Variants in AHCTF1 observed in about 807,000 individuals in gnomAD.
AHCTF1 encodes the protein AT-hook containing transcription factor 1.
Under a neutral mutation model 248.4 loss-of-function variants are expected in AHCTF1, and 24 were observed. That is an observed-to-expected ratio of 0.10 (90% CI 0.07 to 0.14). The LOEUF (loss-of-function observed/expected upper bound fraction) is 0.14, where lower values mean the gene tolerates loss of function less well. Among genes scored for constraint, AHCTF1 ranks in the 10% least tolerant of loss-of-function variants. The probability of loss-of-function intolerance (pLI) is 1.00; values close to 1 mark genes in which losing one functional copy is unlikely to be tolerated. For synonymous variants in AHCTF1, 786 were observed against 929.8 expected, an observed-to-expected ratio of 0.85 and a Z score of 2.81; for missense variants, 2,206 against 2,636.2, an observed-to-expected ratio of 0.84 and a Z score of 3.57.
chr1:246,879,194 T>TA (rs1171706684), intron 21 of AHCTF1, among the ~76,000 whole-genome samples: 2 of 152,030 alleles, frequency 1.3e-5, no homozygotes, highest in African/African-American at 2.4e-5. Context: ...AATAGCTCTT[T>TA]AAAAAAAGAT....
At chr1:246,894,445 G>A (rs1444771133) in intron 14 of AHCTF1, among the ~76,000 whole-genome samples, 1 of 152,050 alleles carries the variant, frequency 6.6e-6, no homozygotes, top group Non-Finnish European at 1.5e-5. Context: ...GTAGTGGCGG[G>A]CAGGAGAATG....
rs1553291761 is a variant in AHCTF1 at position 246,869,000 on chromosome 1, ATG to A, written c.3089-1191_3089-1190del. Among the ~76,000 whole-genome samples the A allele has an allele frequency of 8.6e-4, 129 of 150,440 alleles. 1 individual carries two copies. Among genetic ancestry groups the A allele is most frequent in the African/African-American group, 1.5e-3 (59 of 40,430 alleles). On this transcript the variant is annotated intron_variant, in intron 24 of 35. Transcript: ENST00000648844. ...GCTGGGACTACAGGCGCCCGCCACC[ATG>A]CCTGGCTAACTTTTTCTATTTTTAG... is the stretch of plus-strand genomic sequence containing the variant.
chr1:246,927,626 C>T (rs1463481208), intron 1 of AHCTF1, among the ~76,000 whole-genome samples: 1 of 152,236 alleles, frequency 6.6e-6, no homozygotes, highest in Non-Finnish European at 1.5e-5. Context: ...GCACTGGCAA[C>T]CTATAAAAAG....
At chr1:246,891,422 G>A (rs1173791384) in intron 15 of AHCTF1, among the ~76,000 whole-genome samples, 1 of 152,020 alleles carries the variant, frequency 6.6e-6, no homozygotes, top group Admixed American at 6.6e-5. Flanking sequence ...GTTCAAAACA[G>A]GCATTTAAAT....
At chr1:246,931,330 G>C in intron 1 of AHCTF1, 2 of 1,545,288 alleles carry the variant, frequency 1.3e-6, no homozygotes, top group Non-Finnish European at 1.7e-6. Context: ...GCCGCCATGT[G>C]CCGCCGCTCC....
In AHCTF1 at chr1:246,868,983, T is replaced by A. The variant is rs556951238; in HGVS notation, c.3089-1172A>T. Among the ~76,000 whole-genome samples, 10 of 143,188 alleles carry A rather than the reference T, an allele frequency of 7.0e-5. No homozygotes were observed. In the East Asian group the frequency reaches 9.7e-4, roughly 14 times the overall value. 93.9% of individuals were successfully genotyped at this position (143,188 alleles called of 152,430 possible). A position where few individuals can be genotyped will look rare whatever the true frequency, so the allele number is the denominator to read the frequency against. On this transcript the variant is annotated intron_variant, in intron 24 of 35. Coordinates refer to ENST00000648844, the MANE Select transcript of AHCTF1 (RefSeq NM_001323342.2). ...CCTCAGCCTGCTGAGTAGCTGGGAC[T>A]ACAGGCGCCCGCCACCATGCCTGGC...
chr1:246,908,616 G>A (rs1394400204), intron 4 of AHCTF1, among the ~76,000 whole-genome samples: 2 of 151,938 alleles, frequency 1.3e-5, no homozygotes, highest in South Asian at 2.1e-4. Context: ...GGCCGGGCAC[G>A]GTGGCTCACG....
At chr1:246,843,575 G>A (rs1186291974) in intron 34 of AHCTF1, among the ~76,000 whole-genome samples, 1 of 152,140 alleles carries the variant, frequency 6.6e-6, no homozygotes, top group East Asian at 1.9e-4. Context: ...ATGATCAGTA[G>A]CATACCACAG....
At chr1:246,887,650 A>G (rs563548738) in intron 19 of AHCTF1, among the ~76,000 whole-genome samples, 2 of 152,350 alleles carry the variant, frequency 1.3e-5, no homozygotes, top group East Asian at 3.9e-4. Flanking sequence ...AAACAAAGAT[A>G]TACGCAAATT....
chr1:246,842,734 C>T lies in AHCTF1; in HGVS notation c.6568G>A (p.Ala2190Thr). 1 of 1,613,794 alleles carries T rather than the reference C, an allele frequency of 6.2e-7. No homozygotes were observed. The highest frequency in any genetic ancestry group is 2.2e-5 in the East Asian group (1 of 44,874). Residue 2190 changes from alanine to threonine, a missense_variant, in exon 35 of 36, where the codon GCG (alanine) becomes ACG (threonine). Ala to Thr is a moderately conservative substitution (Grantham distance 58, BLOSUM62 0). Transcript: ENST00000648844. ...GTTTTTGACGTCCTGATTCGTTTCG[C>T]TTTTGGCTTTCCCAGAGTTTCTACT... ...QSVETLGKPK[A>T]KRIRTSKTKQ...
chr1:246,907,445 A>G, intron 5 of AHCTF1, 106 bp downstream of exon 5: 3 of 978,414 alleles, frequency 3.1e-6, no homozygotes, highest in Non-Finnish European at 4.5e-6. Flanking sequence ...TCATTAATCT[A>G]CCCACCCTTT....
intron 24 of AHCTF1, among the ~76,000 whole-genome samples, chr1:246,868,868 G>GAAAAAAGTACCACGT (rs1662261203): frequency 1.4e-5 from 2 of 140,166 alleles, no homozygotes; most frequent in African/African-American, 5.4e-5. Context: ...TTTTTGAGAT[G>GAAAAAAGTACCACGT]GAGTCTCGCT....
At chr1:246,917,648 G>A (rs1279101150) in intron 2 of AHCTF1, among the ~76,000 whole-genome samples, 1 of 152,180 alleles carries the variant, frequency 6.6e-6, no homozygotes, top group African/African-American at 2.4e-5. Context: ...GCGCTGTCAA[G>A]AGAGAAATGA....
rs938570564 is a variant in AHCTF1 at position 246,907,649 on chromosome 1, A to T, written c.666T>A (p.Ala222=). The change falls in exon 5 of 36, where the codon GCT becomes GCA. Residue 222 remains alanine, a synonymous_variant. Transcript: ENST00000648844. ...CFQLVSPTGT[A]VSTLSYISRT... Reference sequence around the variant, plus strand: ...TGCTTATGTAACTAAGAGTTGAAACAGCTGTTCCTGTTGGACTTACTAACT... The same window carrying T: ...TGCTTATGTAACTAAGAGTTGAAACTGCTGTTCCTGTTGGACTTACTAACT... The T allele has an allele frequency of 2.5e-6, 4 of 1,613,914 alleles. No homozygotes were observed. The East Asian group carries it at 8.9e-5, about 36-fold the overall frequency.
intron 1 of AHCTF1, among the ~76,000 whole-genome samples, chr1:246,919,117 T>G (rs1469918614): frequency 6.6e-6 from 1 of 152,182 alleles, no homozygotes; most frequent in Non-Finnish European, 1.5e-5. Context: ...CAGAAAGATT[T>G]TAGCCATCTG....
At chr1:246,918,493 T>C in intron 1 of AHCTF1, 116 bp from the exon 2 acceptor site, 1 of 1,074,034 alleles carries the variant, frequency 9.3e-7, no homozygotes, top group South Asian at 2.1e-5. Context: ...AAAACTAAAA[T>C]CTGGTTACAA....
intron 16 of AHCTF1, 31 bp from the exon 17 acceptor site, chr1:246,890,090 G>GT: frequency 6.9e-7 from 1 of 1,443,666 alleles, no homozygotes; most frequent in Admixed American, 1.8e-5. Context: ...AAAAAAGCTG[G>GT]TAATAATCCC....
Position 246,903,954 on chromosome 1 carries a change from A to G in AHCTF1, c.961T>C (p.Tyr321His), listed in dbSNP as rs752756043. ...ATAGTCCAATGACCATTTACCTCAT[A>G]TAAGATTTGTCCTGATGCCAAACAC... ...RKCLASGQIL[Y>H]EGLEYCEERY... Residue 321 changes from tyrosine to histidine, a missense_variant, in exon 7 of 36, where the codon TAT becomes CAT. Tyr to His is a moderately conservative substitution (Grantham distance 83). Coordinates refer to ENST00000648844, the MANE Select transcript of AHCTF1 (RefSeq NM_001323342.2). 7 of 1,613,414 alleles carry G rather than the reference A, an allele frequency of 4.3e-6. No homozygotes were observed. The highest frequency in any genetic ancestry group is 2.2e-5 in the East Asian group (1 of 44,880).
At chr1:246,863,630 A>G (rs2103071627) in intron 27 of AHCTF1, among the ~76,000 whole-genome samples, 1 of 152,370 alleles carries the variant, frequency 6.6e-6, no homozygotes, top group South Asian at 2.1e-4. Context: ...GAGCTTACAT[A>G]AAAATGAAAT....
Sources: gnomAD v4.1 joint callset for allele counts (sites outside exome capture counted in the v4.1 genomes callset) on GRCh38, gnomAD v4.1.1 for gene constraint, MANE v1.5 for transcripts, NCBI Gene and HGNC (gene_info 2026-07-23, HGNC 2026-07-21) for gene names.